Variants in RCAN2 observed in about 807,000 individuals in gnomAD.
RCAN2 encodes the protein regulator of calcineurin 2, also known as calcipressin-2.
In RCAN2, 9 loss-of-function variants were observed where a neutral mutation model predicts 23.6. The observed-to-expected ratio is 0.38, with a 90% CI of 0.23 to 0.67. RCAN2 has a LOEUF of 0.67. Ranked by LOEUF, RCAN2 falls within the 30% of genes least tolerant of loss-of-function variation. RCAN2 has a pLI of 0.51. For synonymous variants in RCAN2, 109 were observed against 115.7 expected, an observed-to-expected ratio of 0.94 and a Z score of 0.37; for missense variants, 273 against 302.3, an observed-to-expected ratio of 0.90 and a Z score of 0.72.
chr6:46,234,912 T>C (rs1766038423), intron 4 of RCAN2, among the ~76,000 whole-genome samples: 1 of 152,078 alleles, frequency 6.6e-6, no homozygotes, highest in Non-Finnish European at 1.5e-5. Context: ...CTGTTTCCCA[T>C]TCTCAGGAGG....
intron 2 of RCAN2, among the ~76,000 whole-genome samples, chr6:46,312,909 GACTTC>G (rs1333238188): frequency 6.6e-6 from 1 of 152,176 alleles, no homozygotes; most frequent in Non-Finnish European, 1.5e-5. Flanking sequence ...AGCCAGAGTG[GACTTC>G]CAGTCAGACT....
At chr6:46,448,274 C>T (rs1451777518) in intron 2 of RCAN2, among the ~76,000 whole-genome samples, 2 of 151,570 alleles carry the variant, frequency 1.3e-5, no homozygotes, top group African/African-American at 4.8e-5. Context: ...CCTACGAAGA[C>T]TGAATCACGA....
At chr6:46,419,902 T>C (rs1176781262) in intron 2 of RCAN2, among the ~76,000 whole-genome samples, 3 of 152,242 alleles carry the variant, frequency 2.0e-5, no homozygotes, top group African/African-American at 4.8e-5. Flanking sequence ...TTATATTCTA[T>C]GATTTCATAA....
At chr6:46,368,555 T>G (rs1422881483) in intron 2 of RCAN2, among the ~76,000 whole-genome samples, 1 of 152,222 alleles carries the variant, frequency 6.6e-6, no homozygotes, top group Non-Finnish European at 1.5e-5. Context: ...ATCTAAGCTA[T>G]ATGGTATAGC....
chr6:46,478,357 C>G (rs1026377235), intron 1 of RCAN2, among the ~76,000 whole-genome samples: 55 of 152,090 alleles, frequency 3.6e-4, no homozygotes, highest in African/African-American at 1.2e-3. Flanking sequence ...CAACAAACAC[C>G]TATAACACAT....
intron 2 of RCAN2, among the ~76,000 whole-genome samples, chr6:46,420,666 C>T (rs938791752): frequency 1.3e-5 from 2 of 151,840 alleles, no homozygotes; most frequent in African/African-American, 4.8e-5. Flanking sequence ...GCCTCAGCCT[C>T]CCAAGTAGCT....
At chr6:46,483,284 G>T (rs1768913817) in intron 1 of RCAN2, among the ~76,000 whole-genome samples, 1 of 152,214 alleles carries the variant, frequency 6.6e-6, no homozygotes, top group African/African-American at 2.4e-5. Flanking sequence ...GCCACAGGAA[G>T]CTCTTCAGGT....
At chr6:46,398,767 C>T (rs1490539707) in intron 2 of RCAN2, among the ~76,000 whole-genome samples, 1 of 152,138 alleles carries the variant, frequency 6.6e-6, no homozygotes, top group Non-Finnish European at 1.5e-5. Flanking sequence ...TTGCCCTCAG[C>T]TCTCAGTACC....
At chr6:46,388,189 A>G (rs1008274251) in intron 2 of RCAN2, among the ~76,000 whole-genome samples, 17 of 152,144 alleles carry the variant, frequency 1.1e-4, no homozygotes, top group African/African-American at 4.1e-4. Context: ...CCAACATGGC[A>G]CATGTATACA....
At chr6:46,260,635 C>T (rs1483174864) in intron 2 of RCAN2, among the ~76,000 whole-genome samples, 1 of 152,138 alleles carries the variant, frequency 6.6e-6, no homozygotes, top group African/African-American at 2.4e-5. Flanking sequence ...GTGAGTGGGA[C>T]CCTCTCATTA....
At chr6:46,490,095 T>G (rs1769098371) in intron 1 of RCAN2, among the ~76,000 whole-genome samples, 1 of 152,218 alleles carries the variant, frequency 6.6e-6, no homozygotes, top group Non-Finnish European at 1.5e-5. Flanking sequence ...TTTGAAGTGA[T>G]GTAATAAAGG....
chr6:46,484,667 G>C (rs1768948553), intron 1 of RCAN2, among the ~76,000 whole-genome samples: 1 of 152,238 alleles, frequency 6.6e-6, no homozygotes, highest in Non-Finnish European at 1.5e-5. Flanking sequence ...GCTGTCAGCA[G>C]TCAGGTCTCA....
intron 2 of RCAN2, among the ~76,000 whole-genome samples, chr6:46,283,582 A>C (rs1762271839): frequency 6.6e-6 from 1 of 152,184 alleles, no homozygotes. Flanking sequence ...TGATTTTCTG[A>C]CTTCCCTCCC....
At chr6:46,262,076 C>G (rs1242285938) in intron 2 of RCAN2, among the ~76,000 whole-genome samples, 5 of 152,138 alleles carry the variant, frequency 3.3e-5, no homozygotes, top group Non-Finnish European at 7.3e-5. Context: ...AACCCATTTC[C>G]AGACCTCCAC....
intron 2 of RCAN2, among the ~76,000 whole-genome samples, chr6:46,388,088 C>T (rs1409799418): frequency 2.7e-5 from 4 of 150,484 alleles, no homozygotes; most frequent in African/African-American, 4.9e-5. Context: ...GAACATCACA[C>T]GCTGGGGCCT....
Position 46,300,702 on chromosome 6 carries a change from T to C in RCAN2, c.226-51806A>G, listed in dbSNP as rs1048256603. Among the ~76,000 whole-genome samples the C allele has an allele frequency of 7.2e-5, 11 of 152,064 alleles. No individual in the cohort carries two copies. In the East Asian group the frequency reaches 2.1e-3, roughly 29 times the overall value. On this transcript the variant is annotated intron_variant, in intron 2 of 4. Transcript: ENST00000371374. ...ATAGAATAATAAGTGAGTAGAAATGTTGGACTGACAGCTGCATATTATTTT... is the reference window on the plus strand; with the variant it reads ...ATAGAATAATAAGTGAGTAGAAATGCTGGACTGACAGCTGCATATTATTTT...
chr6:46,369,381 T>G (rs1765265288), intron 2 of RCAN2, among the ~76,000 whole-genome samples: 1 of 152,228 alleles, frequency 6.6e-6, no homozygotes, highest in Admixed American at 6.5e-5. Context: ...TAGTCATTTA[T>G]TAGCATTATA....
intron 2 of RCAN2, among the ~76,000 whole-genome samples, chr6:46,364,829 T>C (rs1393329881): frequency 1.3e-5 from 2 of 152,124 alleles, no homozygotes; most frequent in Non-Finnish European, 2.9e-5. Flanking sequence ...CTGGAAGAAA[T>C]GCCCTTGTCT....
At chr6:46,393,378 C>T (rs770730639) in intron 2 of RCAN2, among the ~76,000 whole-genome samples, 3 of 152,032 alleles carry the variant, frequency 2.0e-5, no homozygotes, top group Non-Finnish European at 4.4e-5. Flanking sequence ...CAAGAGTTCA[C>T]TGAGATAATA....
Sources: gnomAD v4.1 joint callset for allele counts (sites outside exome capture counted in the v4.1 genomes callset) on GRCh38, gnomAD v4.1.1 for gene constraint, MANE v1.5 for transcripts, NCBI Gene and HGNC (gene_info 2026-07-23, HGNC 2026-07-21) for gene names.